RIMS2: variants seen among roughly 807,000 people sequenced by gnomAD.
RIMS2 encodes regulating synaptic membrane exocytosis 2.
A neutral mutation model predicts 174.4 loss-of-function variants in RIMS2; 59 were observed. The ratio of observed to expected loss-of-function variants is 0.34; its 90% CI spans 0.27 to 0.42. The LOEUF is 0.42. RIMS2 is among the 10% of genes least tolerant of loss of function. RIMS2 has a pLI of 1.00. For synonymous variants in RIMS2, 606 were observed against 572.5 expected (o/e 1.06, Z -0.84); for missense variants, 1,620 against 1,666.3 (o/e 0.97, Z 0.48).
chr8:103,830,472 C>A (rs1475431490), intron 3 of RIMS2, among the ~76,000 whole-genome samples: 1 of 152,140 alleles, frequency 6.6e-6, no homozygotes, highest in Non-Finnish European at 1.5e-5. Context: ...AGTGAGAGAA[C>A]ATACCTGTAT....
At chr8:103,759,458 G>A (rs142058243) in intron 2 of RIMS2, among the ~76,000 whole-genome samples, 4,358 of 151,518 alleles carry the variant, frequency 0.029, 92 homozygotes, top group Non-Finnish European at 0.041. Flanking sequence ...CCAGCTACTC[G>A]GGAGGCTGAG....
chr8:103,979,990 G>C (rs1482365540), intron 16 of RIMS2, among the ~76,000 whole-genome samples: 3 of 152,050 alleles, frequency 2.0e-5, no homozygotes, highest in African/African-American at 7.2e-5. Context: ...TGGAGTCCTA[G>C]GTAAACTGGA....
intron 3 of RIMS2, among the ~76,000 whole-genome samples, chr8:103,769,606 G>A (rs1288285225): frequency 2.0e-5 from 3 of 152,130 alleles, no homozygotes; most frequent in South Asian, 4.1e-4. Flanking sequence ...GATTACAGGC[G>A]TGAGCCACCG....
exon 4 of RIMS2, chr8:103,885,604 T>A (rs1340110668): frequency 1.2e-6 from 2 of 1,613,082 alleles, no homozygotes; most frequent in African/African-American, 2.7e-5. Flanking sequence ...GCTACCGAAG[T>A]GATCCGAATT....
intron 1 of RIMS2, among the ~76,000 whole-genome samples, chr8:103,650,147 T>G (rs2096422717): frequency 6.6e-6 from 1 of 152,170 alleles, no homozygotes; most frequent in Admixed American, 6.6e-5. Context: ...TTCTGTTTGT[T>G]TTTCTTTTAA....
intron 19 of RIMS2, among the ~76,000 whole-genome samples, chr8:104,030,184 T>C (rs2096359328): frequency 6.6e-6 from 1 of 152,092 alleles, no homozygotes; most frequent in Admixed American, 6.6e-5. Flanking sequence ...TGAAACTCTA[T>C]AGGGATTAAA....
At chr8:103,747,009 G>A (rs2097827146) in intron 2 of RIMS2, among the ~76,000 whole-genome samples, 1 of 151,638 alleles carries the variant, frequency 6.6e-6, no homozygotes, top group South Asian at 2.1e-4. Context: ...CTGTTCCTGT[G>A]TTAGTTTGCT....
At chr8:103,801,439 A>G (rs2098607287) in intron 3 of RIMS2, among the ~76,000 whole-genome samples, 1 of 152,246 alleles carries the variant, frequency 6.6e-6, no homozygotes, top group Admixed American at 6.5e-5. Context: ...CTAAATAATC[A>G]TTTAAAAGTA....
chr8:103,559,327 C>A, intron 1 of RIMS2: 1 of 218,662 alleles, frequency 4.6e-6, no homozygotes, highest in East Asian at 1.2e-4. Flanking sequence ...TCTGCCTCCC[C>A]ATAACTTCCT....
intron 1 of RIMS2, among the ~76,000 whole-genome samples, chr8:103,502,673 T>C (rs1478188306): frequency 6.6e-6 from 1 of 152,134 alleles, no homozygotes; most frequent in Non-Finnish European, 1.5e-5. Context: ...AAGCTTTTGA[T>C]GACTTGCAGT....
At chr8:103,929,445 A>C (rs1595344690) in intron 11 of RIMS2, among the ~76,000 whole-genome samples, 1 of 151,986 alleles carries the variant, frequency 6.6e-6, no homozygotes, top group African/African-American at 2.4e-5. Context: ...AATAATTTTT[A>C]GCTTAGTCTC....
chr8:103,995,004 C>T (rs758745953), intron 17 of RIMS2, among the ~76,000 whole-genome samples: 6 of 151,882 alleles, frequency 4.0e-5, no homozygotes, highest in African/African-American at 1.4e-4. Context: ...TTGGAGAAAA[C>T]CTATTCCTTT....
intron 19 of RIMS2, among the ~76,000 whole-genome samples, chr8:104,221,091 G>A (rs969176672): frequency 9.9e-5 from 15 of 151,932 alleles, no homozygotes; most frequent in Non-Finnish European, 1.9e-4. Flanking sequence ...GATTTGTATG[G>A]TAACAGCTGT....
At chr8:103,905,992 C>T (rs563282407) in intron 4 of RIMS2, among the ~76,000 whole-genome samples, 16 of 151,508 alleles carry the variant, frequency 1.1e-4, no homozygotes, top group Non-Finnish European at 1.5e-4. Flanking sequence ...CTGGAAAGCC[C>T]AATAATACAT....
At chr8:104,201,435 TATCTA>T (rs943293000) in intron 19 of RIMS2, among the ~76,000 whole-genome samples, 1 of 152,188 alleles carries the variant, frequency 6.6e-6, no homozygotes, top group Non-Finnish European at 1.5e-5. Flanking sequence ...TCATTAATGA[TATCTA>T]AGAGAAGAAT....
At chr8:103,726,888 G>A (rs555300700) in intron 2 of RIMS2, among the ~76,000 whole-genome samples, 1 of 150,846 alleles carries the variant, frequency 6.6e-6, no homozygotes, top group South Asian at 2.1e-4. Flanking sequence ...ATAGGCACGT[G>A]CCATCATGCC....
At chr8:104,094,422 ACTTT>A in intron 19 of RIMS2, 1 of 527,124 alleles carries the variant, frequency 1.9e-6, no homozygotes, top group Non-Finnish European at 3.2e-6. Context: ...TTTTTTCTTG[ACTTT>A]CTTTTTTTGT....
chr8:103,729,424 C>T (rs2097565677), intron 2 of RIMS2, among the ~76,000 whole-genome samples: 2 of 152,016 alleles, frequency 1.3e-5, no homozygotes, highest in Non-Finnish European at 2.9e-5. Context: ...TTTAACATCT[C>T]CTTTTTCATG....
chr8:103,541,603 A>G (rs1587201511), intron 1 of RIMS2, among the ~76,000 whole-genome samples: 1 of 152,224 alleles, frequency 6.6e-6, no homozygotes, highest in Admixed American at 6.5e-5. Context: ...ACATGAACAC[A>G]TATTAAAGTA....
Sources: gnomAD v4.1 joint callset for allele counts (sites outside exome capture counted in the v4.1 genomes callset) on GRCh38, gnomAD v4.1.1 for gene constraint, MANE v1.5 for transcripts, NCBI Gene and HGNC (gene_info 2026-07-23, HGNC 2026-07-21) for gene names.